Variants in EPB41L1 observed in about 807,000 individuals in gnomAD.
The protein encoded by EPB41L1 is erythrocyte membrane protein band 4.1 like 1.
In EPB41L1, 29 loss-of-function variants were observed where a neutral mutation model predicts 97.8. The observed-to-expected ratio is 0.30, with a 90% CI of 0.22 to 0.40. EPB41L1 has a LOEUF of 0.40. EPB41L1 is among the 10% of genes least tolerant of loss of function. The pLI is 1.00. For missense variants in EPB41L1, 812 were observed against 1,162.3 expected, an observed-to-expected ratio of 0.70 and a Z score of 4.38; for synonymous variants, 383 against 459.2, an observed-to-expected ratio of 0.83 and a Z score of 2.12.
intron 13 of EPB41L1, chr20:36,197,527 C>A: frequency 1.8e-6 from 1 of 556,262 alleles, no homozygotes; most frequent in Non-Finnish European, 2.3e-6. Context: ...GGGCTTATAG[C>A]ACCACAGGGA....
intron 21 of EPB41L1, among the ~76,000 whole-genome samples, chr20:36,226,051 G>T (rs555940311): frequency 6.6e-6 from 1 of 152,236 alleles, no homozygotes; most frequent in East Asian, 1.9e-4. Context: ...TGCCTTTTCT[G>T]CCCACATGCT....
intron 2 of EPB41L1, among the ~76,000 whole-genome samples, chr20:36,137,511 G>C (rs964430512): frequency 6.6e-6 from 1 of 151,290 alleles, no homozygotes; most frequent in African/African-American, 2.4e-5. Flanking sequence ...ATGAGTCACC[G>C]CACCCAGCCT....
At chr20:36,220,495 C>T (rs1158796460) in intron 19 of EPB41L1, among the ~76,000 whole-genome samples, 1 of 152,140 alleles carries the variant, frequency 6.6e-6, no homozygotes, top group East Asian at 1.9e-4. Context: ...TACCAGGACA[C>T]ATTTGACTCT....
At chr20:36,160,955 T>G (rs1458046174) in intron 1 of EPB41L1, among the ~76,000 whole-genome samples, 1 of 152,244 alleles carries the variant, frequency 6.6e-6, no homozygotes, top group Non-Finnish European at 1.5e-5. Flanking sequence ...TACGGTATTC[T>G]AAGTAACGCT....
chr20:36,208,194 G>T, intron 14 of EPB41L1: 1 of 314,882 alleles, frequency 3.2e-6, no homozygotes, highest in Non-Finnish European at 6.3e-6. Flanking sequence ...CCCGCCTTGG[G>T]AAAGTTGACA....
chr20:36,190,394 G>T lies in EPB41L1; in HGVS notation c.1124+20G>T, dbSNP rs376887029. 8 of 1,612,048 alleles carry T rather than the reference G, an allele frequency of 5.0e-6. No homozygotes were observed. In the Admixed American group the frequency reaches 1.3e-4, roughly 27 times the overall value. The stretch of plus-strand genomic sequence containing the variant: ...CTTCCGGTGAGCCTGACCTTGGATG[G>T]GGTAATGGGGATGGGGCAGAGGCCA... On this transcript the variant is annotated intron_variant, in intron 10 of 21. Transcript: ENST00000338074. This position sits in a 1 kb window ranked among gnomAD's most constrained non-coding sequence, Gnocchi z 5.8.
chr20:36,205,561 A>G (rs138317422), intron 14 of EPB41L1, among the ~76,000 whole-genome samples: 180 of 152,250 alleles, frequency 1.2e-3, no homozygotes, highest in African/African-American at 4.2e-3. Flanking sequence ...CCATTTCCCC[A>G]TGGCTGACAT....
At chr20:36,178,094 C>A in intron 4 of EPB41L1, 38 bp downstream of exon 4, 1 of 1,477,954 alleles carries the variant, frequency 6.8e-7, no homozygotes, top group Non-Finnish European at 9.5e-7. Context: ...CCTGCTCTTC[C>A]GTTAGGCTCC....
rs2061349344 is a variant in EPB41L1, at chr20:36,178,665, G to A, written c.483G>A (p.Gln161=). The A allele has an allele frequency of 6.2e-7, 1 of 1,614,070 alleles. No homozygotes were observed. Among genetic ancestry groups the A allele is most frequent in the Admixed American group, 1.7e-5 (1 of 60,012 alleles). ...ACCCCTCCAAGGAGATCAAGAAGCAGATCCGGAGTGAGTGGCTTGTTGTGT... is the reference window on the plus strand; with the variant it reads ...ACCCCTCCAAGGAGATCAAGAAGCAAATCCGGAGTGAGTGGCTTGTTGTGT... The part of the protein sequence containing the change: ...WLDPSKEIKK[Q]IRSSPWNFAF... The change falls in exon 5 of 22, where the codon CAG becomes CAA. Residue 161 remains glutamine (Q), a synonymous_variant. Transcript: ENST00000338074.
intron 2 of EPB41L1, among the ~76,000 whole-genome samples, chr20:36,148,099 T>C (rs2059908322): frequency 6.6e-6 from 1 of 152,186 alleles, no homozygotes; most frequent in African/African-American, 2.4e-5. Flanking sequence ...CCCTGGCCTC[T>C]GGCTTTCGGT....
rs140469801 is a variant in EPB41L1 at position 36,206,794 on chromosome 20, G to A, written c.1669-2694G>A. On this transcript the variant is annotated intron_variant, in intron 14 of 21. Coordinates refer to ENST00000338074, the MANE Select transcript of EPB41L1 (RefSeq NM_012156.2). This position sits in a 1 kb window ranked among gnomAD's most constrained non-coding sequence, Gnocchi z 5.5. ...AGAGTTTCCCCACCTGACAGCCAGC[G>A]CAGCCCGAGAGGAAGGGACCCCCGT... is the stretch of plus-strand genomic sequence containing the variant. 333 of 1,289,862 alleles carry A rather than the reference G, an allele frequency of 2.6e-4. 1 individual carries two copies. In the African/African-American group the frequency reaches 3.8e-3, roughly 15 times the overall value. 79.9% of individuals were successfully genotyped at this position (1,289,862 alleles called of 1,614,324 possible).
Position 36,194,335 on chromosome 20 carries a change from C to G in EPB41L1, c.1424C>G (p.Thr475Ser), listed in dbSNP as rs757138368. 13 of 1,613,310 alleles carry G rather than the reference C, an allele frequency of 8.1e-6. No homozygotes were observed. Among genetic ancestry groups the G allele is most frequent in the Admixed American group, 6.7e-5 (4 of 59,860 alleles). The change falls in exon 12 of 22, where the codon ACT (threonine) becomes AGT (serine). Residue 475 changes from threonine to serine, a missense_variant. This residue lies in a region of EPB41L1 where 498 missense variants were observed against 622.7 expected (regional missense o/e 0.80). Coordinates refer to ENST00000338074, the MANE Select transcript of EPB41L1 (RefSeq NM_012156.2). ...RSEAEEGEVRTPTKIKELKPE... is the reference protein window; with the variant it reads ...RSEAEEGEVRSPTKIKELKPE... Reference sequence around the variant, plus strand: ...GAGGCTGAGGAGGGAGAGGTCAGGACTCCAACCAAGATCAAGGAGCTAAAG... The same window carrying G: ...GAGGCTGAGGAGGGAGAGGTCAGGAGTCCAACCAAGATCAAGGAGCTAAAG...
At position 36,212,125 on chromosome 20, in the gene EPB41L1, T is replaced by C. The variant is rs1057209977; in HGVS notation, c.2080-147T>C. 3.8e-6 allele frequency: 3 copies of C among 783,396 alleles called. No individual in the cohort carries two copies. Among genetic ancestry groups the C allele is most frequent in the Non-Finnish European group, 6.5e-6 (3 of 458,072 alleles). The allele number at this position is 783,396 out of a possible 1,614,324, so 48.5% of individuals were successfully genotyped here. On this transcript the variant is annotated intron_variant, in intron 15 of 21. Coordinates refer to ENST00000338074, the MANE Select transcript of EPB41L1 (RefSeq NM_012156.2). The surrounding 1 kb of genome is among the most constrained non-coding windows in gnomAD (Gnocchi z 4.8). Reference sequence around the variant, plus strand: ...TCTGTCTATGATATCACACCACAACTCTTTTACCCTGTCCAGAGTACCCTT... The same window carrying C: ...TCTGTCTATGATATCACACCACAACCCTTTTACCCTGTCCAGAGTACCCTT...
Position 36,203,425 on chromosome 20 carries a change from C to T in EPB41L1, c.1668+5384C>T, listed in dbSNP as rs148412184. 7.7e-4 allele frequency among the ~76,000 whole-genome samples: 117 copies of T among 152,362 alleles called. No homozygotes were observed. The Middle Eastern group carries it at 0.01, about 13-fold the overall frequency. The stretch of plus-strand genomic sequence containing the variant: ...CACATAGCAACTAACAATCACTATA[C>T]GTTTCCCCTTTCTTCCTGCAGAGTC... On this transcript the variant is annotated intron_variant, in intron 14 of 21. Coordinates refer to ENST00000338074, the MANE Select transcript of EPB41L1 (RefSeq NM_012156.2).
intron 2 of EPB41L1, among the ~76,000 whole-genome samples, chr20:36,127,781 C>T (rs1387434315): frequency 2.0e-5 from 3 of 148,986 alleles, no homozygotes; most frequent in Non-Finnish European, 4.4e-5. Context: ...TGGCCCTCCT[C>T]GTGCCTCTTG....
intron 2 of EPB41L1, among the ~76,000 whole-genome samples, chr20:36,137,460 A>G (rs1009500967): frequency 6.6e-6 from 1 of 152,016 alleles, no homozygotes; most frequent in African/African-American, 2.4e-5. Flanking sequence ...GGTTCAAGTT[A>G]TCCTCCTGCC....
In EPB41L1 at chr20:36,206,580, G is replaced by A. The variant is rs1031447435; in HGVS notation, c.1669-2908G>A. On this transcript the variant is annotated intron_variant, in intron 14 of 21. Transcript: ENST00000338074. This position sits in a 1 kb window ranked among gnomAD's most constrained non-coding sequence, Gnocchi z 5.5. ...CTCCCGGAGGTGAGCCCAGGCCGACGCTGAATTCCTTAGACCTGAGGGTTT... is the reference window on the plus strand; with the variant it reads ...CTCCCGGAGGTGAGCCCAGGCCGACACTGAATTCCTTAGACCTGAGGGTTT... The A allele has an allele frequency of 3.3e-5, 42 of 1,289,668 alleles. No individual in the cohort carries two copies. Among genetic ancestry groups the A allele is most frequent in the Non-Finnish European group, 4.0e-5 (40 of 988,870 alleles). 79.9% of individuals were successfully genotyped at this position (1,289,668 alleles called of 1,614,324 possible). A position where few individuals can be genotyped will look rare whatever the true frequency, so the allele number is the denominator to read the frequency against.
At chr20:36,099,943 G>A (rs902864119) in intron 1 of EPB41L1, among the ~76,000 whole-genome samples, 1 of 152,208 alleles carries the variant, frequency 6.6e-6, no homozygotes, top group Non-Finnish European at 1.5e-5. Flanking sequence ...CCCCAAGAAA[G>A]GGGTCCCTGG....
chr20:36,123,077 C>T (rs1314267991), intron 2 of EPB41L1, among the ~76,000 whole-genome samples: 1 of 151,896 alleles, frequency 6.6e-6, no homozygotes, highest in Non-Finnish European at 1.5e-5. Context: ...AGAGAGGATA[C>T]CTAGAGATGG....
Sources: allele counts gnomAD v4.1 joint callset (sites outside exome capture counted in the v4.1 genomes callset), GRCh38; gene constraint gnomAD v4.1.1; regional missense constraint gnomAD v4.1.1; non-coding constraint Gnocchi (gnomAD v3.1); transcripts MANE v1.5; gene names NCBI Gene and HGNC (gene_info 2026-07-23, HGNC 2026-07-21).